SLCO6A1: variants seen among roughly 807,000 people sequenced by gnomAD.
The protein encoded by SLCO6A1 is solute carrier organic anion transporter family member 6A1.
A neutral mutation model predicts 72.7 loss-of-function variants in SLCO6A1; 65 were observed. That is an observed-to-expected ratio of 0.89 (90% CI 0.73 to 1.10). The LOEUF is 1.10. SLCO6A1 is among the 50% of genes least tolerant of loss of function. SLCO6A1 has a pLI of 0.00. For synonymous variants in SLCO6A1, 314 were observed against 298.2 expected (o/e 1.05, Z -0.55); for missense variants, 874 against 872.6 (o/e 1.00, Z -0.02).
At chr5:102,397,649 C>T (rs138800420) in intron 10 of SLCO6A1, among the ~76,000 whole-genome samples, 63 of 152,180 alleles carry the variant, frequency 4.1e-4, no homozygotes, top group African/African-American at 1.4e-3. Flanking sequence ...CCAGAAGGTC[C>T]GTATCAAGAC....
At chr5:102,422,843 A>T (rs1054395493) in intron 7 of SLCO6A1, among the ~76,000 whole-genome samples, 1 of 152,208 alleles carries the variant, frequency 6.6e-6, no homozygotes, top group African/African-American at 2.4e-5. Flanking sequence ...CAAGGTTAAA[A>T]CAAAGCAAAA....
intron 2 of SLCO6A1, among the ~76,000 whole-genome samples, chr5:102,479,546 C>T (rs898806856): frequency 6.6e-6 from 1 of 152,160 alleles, no homozygotes; most frequent in Admixed American, 6.6e-5. Flanking sequence ...TTCCAACAAT[C>T]CTTAAAATTC....
At chr5:102,441,569 A>G (rs6596495) in intron 6 of SLCO6A1, among the ~76,000 whole-genome samples, 96,691 of 151,866 alleles carry the variant, frequency 0.64, 30,968 homozygotes, top group African/African-American at 0.66. Context: ...TCAGTTTCTC[A>G]TTTTCTAAAA....
chr5:102,451,127 T>C (rs1750393238), intron 6 of SLCO6A1, among the ~76,000 whole-genome samples: 1 of 152,188 alleles, frequency 6.6e-6, no homozygotes. Context: ...TGGTCGCTTT[T>C]GTATAAGGAA....
intron 10 of SLCO6A1, among the ~76,000 whole-genome samples, chr5:102,399,342 G>A (rs572041218): frequency 1.3e-5 from 2 of 151,952 alleles, no homozygotes; most frequent in South Asian, 2.1e-4. Context: ...TTAAATTAAA[G>A]TTAAACAATG....
chr5:102,421,297 C>A (rs1748590216), intron 7 of SLCO6A1, among the ~76,000 whole-genome samples: 1 of 152,058 alleles, frequency 6.6e-6, no homozygotes, highest in African/African-American at 2.4e-5. Flanking sequence ...GGAAACGGAG[C>A]CGAAGCCAGG....
chr5:102,438,233 T>C (rs1749650669), intron 7 of SLCO6A1, among the ~76,000 whole-genome samples: 1 of 151,964 alleles, frequency 6.6e-6, no homozygotes. Context: ...CTAAAGAACA[T>C]AATTTCTGAT....
rs1750928887 is a variant in SLCO6A1 at position 102,459,777 on chromosome 5, G to A, written c.900C>T (p.Asn300=). The A allele has an allele frequency of 1.3e-6, 2 of 1,557,130 alleles. No homozygotes were observed. Among genetic ancestry groups the A allele is most frequent in the Admixed American group, 2.2e-5 (1 of 45,242 alleles). ...KVPENTTSAT[N]TTVNNGSPEW... is the part of the protein sequence containing the mutation. ...CTGGACTACCATTATTGACTGTAGTGCTTTAATAAAGAAAAGTGAAAAAAA... is the reference window on the plus strand; with the variant it reads ...CTGGACTACCATTATTGACTGTAGTACTTTAATAAAGAAAAGTGAAAAAAA... Residue 300 remains asparagine, a splice_region_variant and synonymous_variant, in exon 5 of 14, where the codon AAC becomes AAT. Coordinates refer to ENST00000506729, the MANE Select transcript of SLCO6A1 (RefSeq NM_173488.5).
At chr5:102,390,914 C>T in intron 11 of SLCO6A1, 67 bp downstream of exon 11, 1 of 1,257,814 alleles carries the variant, frequency 8.0e-7, no homozygotes, top group East Asian at 2.4e-5. Context: ...ATACTAAATA[C>T]ACATGTAGAC....
At chr5:102,429,951 C>T (rs12109870) in intron 7 of SLCO6A1, among the ~76,000 whole-genome samples, 4,155 of 152,006 alleles carry the variant, frequency 0.027, 182 homozygotes, top group African/African-American at 0.095. Flanking sequence ...GGAGTGTTTT[C>T]CCATTTGTTT....
intron 7 of SLCO6A1, among the ~76,000 whole-genome samples, chr5:102,423,750 A>G (rs983214117): frequency 4.6e-5 from 7 of 152,350 alleles, no homozygotes; most frequent in African/African-American, 1.7e-4. Context: ...CAGGACTTGA[A>G]CTCAGCTCTG....
At chr5:102,386,480 T>C (rs1388957786) in intron 12 of SLCO6A1, among the ~76,000 whole-genome samples, 1 of 152,022 alleles carries the variant, frequency 6.6e-6, no homozygotes, top group Non-Finnish European at 1.5e-5. Context: ...GGACCTTACG[T>C]CCATTGGAAC....
intron 9 of SLCO6A1, among the ~76,000 whole-genome samples, chr5:102,408,989 C>T (rs879918604): frequency 1.3e-5 from 2 of 151,992 alleles, no homozygotes; most frequent in Non-Finnish European, 2.9e-5. Flanking sequence ...GAAGAATATT[C>T]CATATTGCTA....
At chr5:102,482,436 C>T (rs1752242097) in intron 1 of SLCO6A1, among the ~76,000 whole-genome samples, 1 of 152,282 alleles carries the variant, frequency 6.6e-6, no homozygotes, top group South Asian at 2.1e-4. Context: ...CTACTATTCA[C>T]TCGCTCTTCT....
At chr5:102,489,006 GAAGCATAGA>G (rs1752559687) in intron 1 of SLCO6A1, among the ~76,000 whole-genome samples, 2 of 152,224 alleles carry the variant, frequency 1.3e-5, no homozygotes, top group African/African-American at 4.8e-5. Context: ...AGGGGAGACA[GAAGCATAGA>G]AAGCATAGAA....
Position 102,480,209 on chromosome 5 carries a change from T to C in SLCO6A1, c.584A>G (p.Glu195Gly). 1 of 1,611,080 alleles carries C rather than the reference T, an allele frequency of 6.2e-7. No individual in the cohort carries two copies. The highest frequency in any genetic ancestry group is 8.5e-7 in the Non-Finnish European group (1 of 1,178,392). Residue 195 changes from glutamate to glycine, a missense_variant, in exon 2 of 14, where the codon GAA (glutamate) becomes GGA (glycine). Glu to Gly is a moderately conservative substitution (Grantham distance 98). Coordinates refer to ENST00000506729, the MANE Select transcript of SLCO6A1 (RefSeq NM_173488.5). ...TCCTACCTTACTTTGTTTATTTTCT[T>C]CATTAATGGATGGAAAAGCACATAA... ...SLLCAFPSIN[E>G]ENKQSKVGIE...
chr5:102,448,220 A>G (rs1324483918), intron 6 of SLCO6A1, among the ~76,000 whole-genome samples: 1 of 151,974 alleles, frequency 6.6e-6, no homozygotes, highest in African/African-American at 2.4e-5. Flanking sequence ...TTTTTATTGC[A>G]CTGTTGTTTG....
At chr5:102,434,644 C>T (rs941093230) in intron 7 of SLCO6A1, among the ~76,000 whole-genome samples, 51 of 152,244 alleles carry the variant, frequency 3.3e-4, no homozygotes, top group Admixed American at 7.9e-4. Context: ...TTGGCAACAA[C>T]GATGGGATGC....
chr5:102,373,881 T>C (rs1745628862), intron 12 of SLCO6A1, among the ~76,000 whole-genome samples: 1 of 152,144 alleles, frequency 6.6e-6, no homozygotes, highest in Non-Finnish European at 1.5e-5. Context: ...ATAAAACAAA[T>C]ATTACAGAAA....
Sources: allele counts gnomAD v4.1 joint callset (sites outside exome capture counted in the v4.1 genomes callset), GRCh38; gene constraint gnomAD v4.1.1; transcripts MANE v1.5; gene names NCBI Gene and HGNC (gene_info 2026-07-23, HGNC 2026-07-21).